Variants in MAD1L1 observed in about 807,000 individuals in gnomAD.
MAD1L1 encodes the protein mitotic arrest deficient 1 like 1.
A neutral mutation model predicts 96.9 loss-of-function variants in MAD1L1; 95 were observed. The ratio of observed to expected loss-of-function variants is 0.98; its 90% CI spans 0.83 to 1.16. The LOEUF (loss-of-function observed/expected upper bound fraction) is 1.16, where lower values mean the gene tolerates loss of function less well. Ranked by LOEUF, MAD1L1 falls within the 50% of genes most tolerant of loss-of-function variation. The pLI, the probability that MAD1L1 is intolerant of heterozygous loss-of-function variation, is 0.00. For missense variants in MAD1L1, 1,007 were observed against 954.4 expected, an observed-to-expected ratio of 1.06 and a Z score of -0.73; for synonymous variants, 473 against 396.6, an observed-to-expected ratio of 1.19 and a Z score of -2.29.
chr7:1,938,264 A>T (rs113424011), intron 16 of MAD1L1, among the ~76,000 whole-genome samples: 424 of 75,554 alleles, frequency 5.6e-3, no homozygotes, highest in Middle Eastern at 0.022. Flanking sequence ...CACACAAACA[A>T]CAGCCGCCCA....
At chr7:1,981,582 GA>G (rs1780910028) in intron 14 of MAD1L1, among the ~76,000 whole-genome samples, 1 of 152,222 alleles carries the variant, frequency 6.6e-6, no homozygotes, top group East Asian at 1.9e-4. Context: ...CACCAGTCCT[GA>G]CCCACTCCAA....
intron 18 of MAD1L1, among the ~76,000 whole-genome samples, chr7:1,889,176 A>C (rs1786381820): frequency 6.6e-6 from 1 of 152,194 alleles, no homozygotes; most frequent in Non-Finnish European, 1.5e-5. Flanking sequence ...CCATGTGTCC[A>C]GGTCCCGGGG....
intron 18 of MAD1L1, among the ~76,000 whole-genome samples, chr7:1,866,094 G>A (rs1013439481): frequency 6.6e-6 from 1 of 152,236 alleles, no homozygotes; most frequent in Non-Finnish European, 1.5e-5. Context: ...AGTGCCCCCT[G>A]ACAGACCGTG....
intron 18 of MAD1L1, among the ~76,000 whole-genome samples, chr7:1,890,714 A>G (rs4721162): frequency 0.72 from 109,125 of 152,104 alleles, 40,167 homozygotes; most frequent in African/African-American, 0.89. Flanking sequence ...AACCAAGGCC[A>G]CCTGTGCTGT....
chr7:2,106,123 GCA>G (rs1420116028), intron 11 of MAD1L1, among the ~76,000 whole-genome samples: 1 of 133,692 alleles, frequency 7.5e-6, no homozygotes, highest in African/African-American at 2.8e-5. Flanking sequence ...ACCCTGCCCA[GCA>G]CACAGTCCCG....
At chr7:1,971,131 C>A (rs1197517834) in intron 15 of MAD1L1, among the ~76,000 whole-genome samples, 1 of 152,124 alleles carries the variant, frequency 6.6e-6, no homozygotes, top group Admixed American at 6.6e-5. Context: ...CCGTCTCAGG[C>A]CCGCAGTTAG....
intron 15 of MAD1L1, among the ~76,000 whole-genome samples, chr7:1,970,085 T>C (rs1005702564): frequency 9.9e-5 from 15 of 152,136 alleles, no homozygotes; most frequent in African/African-American, 3.6e-4. Flanking sequence ...TTGTGCTGAA[T>C]GAAAGGAGCC....
chr7:1,898,114 T>C, intron 18 of MAD1L1, 86 bp downstream of exon 18: 1 of 1,402,050 alleles, frequency 7.1e-7, no homozygotes. Context: ...GCGAGGCTGC[T>C]CCTTTGCTGA....
At chr7:2,008,326 G>A (rs987881642) in intron 13 of MAD1L1, among the ~76,000 whole-genome samples, 4 of 152,136 alleles carry the variant, frequency 2.6e-5, no homozygotes, top group African/African-American at 7.2e-5. Context: ...GTGGGTGGGC[G>A]GCAGAGCACC....
intron 11 of MAD1L1, among the ~76,000 whole-genome samples, chr7:2,096,266 G>A (rs371293362): frequency 4.6e-5 from 7 of 152,210 alleles, no homozygotes; most frequent in Non-Finnish European, 8.8e-5. Context: ...AGGAGGAAAG[G>A]GCCCTGTGAT....
chr7:2,149,749 G>A (rs1335274998), intron 10 of MAD1L1, among the ~76,000 whole-genome samples: 1 of 152,192 alleles, frequency 6.6e-6, no homozygotes, highest in African/African-American at 2.4e-5. Context: ...TTTTTTAAAC[G>A]AGGAAACTCA....
At chr7:1,906,725 G>C (rs974863019) in intron 17 of MAD1L1, among the ~76,000 whole-genome samples, 11 of 152,228 alleles carry the variant, frequency 7.2e-5, no homozygotes, top group African/African-American at 2.7e-4. Flanking sequence ...CTGAGAACCC[G>C]GAACATGGAA....
intron 10 of MAD1L1, among the ~76,000 whole-genome samples, chr7:2,164,969 C>T (rs1161803820): frequency 1.3e-5 from 2 of 152,108 alleles, no homozygotes; most frequent in African/African-American, 2.4e-5. Context: ...GGCATGTTGA[C>T]CCGGGAGGGC....
At chr7:2,067,255 G>A (rs975938862) in intron 12 of MAD1L1, among the ~76,000 whole-genome samples, 5 of 150,558 alleles carry the variant, frequency 3.3e-5, no homozygotes, top group African/African-American at 9.8e-5. Flanking sequence ...GGCCACGTTC[G>A]CAGGCACCCG....
At chr7:2,033,386 G>A (rs1156921258) in intron 12 of MAD1L1, among the ~76,000 whole-genome samples, 2 of 152,252 alleles carry the variant, frequency 1.3e-5, no homozygotes, top group Non-Finnish European at 2.9e-5. Context: ...CTGAAAGGCT[G>A]TGGGCCCCGA....
At chr7:1,995,257 C>G (rs911238486) in intron 14 of MAD1L1, among the ~76,000 whole-genome samples, 6 of 152,186 alleles carry the variant, frequency 3.9e-5, no homozygotes, top group South Asian at 2.1e-4. Context: ...AGGCTGGACG[C>G]AGGGAAACCT....
intron 13 of MAD1L1, among the ~76,000 whole-genome samples, chr7:2,012,988 C>T (rs976011863): frequency 1.3e-5 from 2 of 152,268 alleles, no homozygotes; most frequent in Admixed American, 1.3e-4. Context: ...TGCAGCGCAG[C>T]TCCCTGAGAC....
chr7:2,193,263 C>T (rs1791814784), intron 10 of MAD1L1: 1 of 152,780 alleles, frequency 6.5e-6, no homozygotes, highest in Non-Finnish European at 1.5e-5. Context: ...ACTCACTTGC[C>T]CAAGCAACCG....
intron 18 of MAD1L1, among the ~76,000 whole-genome samples, chr7:1,865,072 A>G (rs893802923): frequency 6.6e-6 from 1 of 151,946 alleles, no homozygotes; most frequent in Non-Finnish European, 1.5e-5. Flanking sequence ...GTCTAGTGAC[A>G]CCCTTCCGGG....
Sources: allele counts gnomAD v4.1 joint callset (sites outside exome capture counted in the v4.1 genomes callset), GRCh38; gene constraint gnomAD v4.1.1; transcripts MANE v1.5; gene names NCBI Gene and HGNC (gene_info 2026-07-23, HGNC 2026-07-21).